The following ASAP1 variants were observed in gnomAD, a reference collection of about 807,000 sequenced individuals.
The protein encoded by ASAP1 is arf-GAP with SH3 domain, ANK repeat and PH domain-containing protein 1.
A neutral mutation model predicts 145.2 loss-of-function variants in ASAP1; 43 were observed. The observed-to-expected ratio is 0.30, with a 90% CI of 0.23 to 0.38. The LOEUF (loss-of-function observed/expected upper bound fraction) is 0.38, where lower values mean the gene tolerates loss of function less well. Among genes scored for constraint, ASAP1 ranks in the 10% least tolerant of loss-of-function variants. The pLI is 1.00. For synonymous variants in ASAP1, 546 were observed against 515.5 expected (o/e 1.06, Z -0.80); for missense variants, 1,018 against 1,355.3 (o/e 0.75, Z 3.91).
intron 5 of ASAP1, among the ~76,000 whole-genome samples, chr8:130,190,391 C>T (rs1184742138): frequency 1.3e-5 from 2 of 152,140 alleles, no homozygotes; most frequent in African/African-American, 4.8e-5. Flanking sequence ...TTTCCCAGCA[C>T]CATTTATTGA....
At chr8:130,351,195 CA>C (rs1221729340) in intron 3 of ASAP1, among the ~76,000 whole-genome samples, 1 of 152,106 alleles carries the variant, frequency 6.6e-6, no homozygotes, top group Non-Finnish European at 1.5e-5. Flanking sequence ...TCCTGCAAGA[CA>C]AAACAAACTG....
chr8:130,439,049 G>A (rs1031425311), intron 1 of ASAP1, among the ~76,000 whole-genome samples: 2 of 152,220 alleles, frequency 1.3e-5, no homozygotes, highest in African/African-American at 4.8e-5. Context: ...AATAGGGAGA[G>A]TAGCCTAGAT....
chr8:130,271,943 G>A (rs947179266), intron 3 of ASAP1, among the ~76,000 whole-genome samples: 1 of 151,954 alleles, frequency 6.6e-6, no homozygotes, highest in Admixed American at 6.6e-5. Flanking sequence ...TGGAAGGGGA[G>A]GAAGCAAGAC....
chr8:130,198,440 C>T (rs1448708632), intron 5 of ASAP1, among the ~76,000 whole-genome samples: 1 of 152,100 alleles, frequency 6.6e-6, no homozygotes, highest in East Asian at 1.9e-4. Flanking sequence ...CCAAAATTTC[C>T]TTTTTATTGC....
intron 2 of ASAP1, among the ~76,000 whole-genome samples, chr8:130,376,752 A>C (rs1022158033): frequency 1.3e-5 from 2 of 151,616 alleles, no homozygotes; most frequent in African/African-American, 4.9e-5. Flanking sequence ...AAATAAAATA[A>C]ATTAGCTGGG....
intron 29 of ASAP1, among the ~76,000 whole-genome samples, chr8:130,055,521 G>GT (rs1309729940): frequency 7.1e-6 from 1 of 141,758 alleles, no homozygotes; most frequent in Non-Finnish European, 1.5e-5. Flanking sequence ...TGAGTAAAGT[G>GT]TTGTTCTAGC....
At position 130,127,929 on chromosome 8, in the gene ASAP1, G is replaced by A; in HGVS notation, c.1379C>T (p.Ser460Leu). ...CGTTCAAATATGGGGACAAAAACCT[G>A]ATGAGCCACAATCGCAGCAAATGTC... ...GNDICCDCGSSEPTWLSTNLG... is the reference protein window; with the variant it reads ...GNDICCDCGSLEPTWLSTNLG... Residue 460 changes from serine to leucine, a missense_variant and splice_region_variant, in exon 16 of 30, where the codon TCA (serine) becomes TTA (leucine). Ser to Leu is a moderately radical substitution (Grantham distance 145, BLOSUM62 -2). Around this residue, in one of 9 missense-constraint regions of ASAP1, gnomAD observed 153 missense variants for 221.6 expected, o/e 0.69. Transcript: ENST00000518721. 1 of 1,611,604 alleles carries A rather than the reference G, an allele frequency of 6.2e-7. No individual in the cohort carries two copies. The highest frequency in any genetic ancestry group is 8.5e-7 in the Non-Finnish European group (1 of 1,179,286).
At chr8:130,234,435 A>G (rs574462823) in intron 4 of ASAP1, among the ~76,000 whole-genome samples, 32 of 152,250 alleles carry the variant, frequency 2.1e-4, no homozygotes, top group African/African-American at 7.7e-4. Context: ...CCCCATCCAC[A>G]AAGAGGGTGC....
At position 130,358,507 on chromosome 8, in the gene ASAP1, CGCTGGGGCGTGCGCGGGCTGGGCG is replaced by C. The variant is rs925609452; in HGVS notation, c.60-388_60-365del. Among the ~76,000 whole-genome samples, 6 of 147,816 alleles carry C rather than the reference CGCTGGGGCGTGCGCGGGCTGGGCG, an allele frequency of 4.1e-5. No individual in the cohort carries two copies. Among genetic ancestry groups the C allele is most frequent in the Non-Finnish European group, 9.0e-5 (6 of 66,300 alleles). ...CGCGGGGGTCTGGGCTCCGGCCGGC[CGCTGGGGCGTGCGCGGGCTGGGCG>C]GCTGGGGCGCCCGGCGCTGCCTCCT... On this transcript the variant is annotated intron_variant, in intron 2 of 29. Transcript: ENST00000518721. This position sits in a 1 kb window ranked among gnomAD's most constrained non-coding sequence, Gnocchi z 4.1.
Position 130,232,580 on chromosome 8 carries a change from G to T in ASAP1, c.259+4342C>A, listed in dbSNP as rs190805432. On this transcript the variant is annotated intron_variant, in intron 4 of 29. Coordinates refer to ENST00000518721, the MANE Select transcript of ASAP1 (RefSeq NM_018482.4). Reference sequence around the variant, plus strand: ...AGGAAAAGTGAGACACAAATTCCTAGAACAATCTTGAAACCAAAGGGCTTG... The same window carrying T: ...AGGAAAAGTGAGACACAAATTCCTATAACAATCTTGAAACCAAAGGGCTTG... Among the ~76,000 whole-genome samples the T allele has an allele frequency of 3.3e-5, 5 of 149,826 alleles. No individual in the cohort carries two copies. In the South Asian group the frequency reaches 1.1e-3, roughly 32 times the overall value.
At chr8:130,072,831 G>GCGCGCGCGCGCGCGCGCGCGC (rs58907739) in intron 27 of ASAP1, among the ~76,000 whole-genome samples, 7 of 110,776 alleles carry the variant, frequency 6.3e-5, no homozygotes, top group East Asian at 2.2e-4. Context: ...GTGTGCGCGC[G>GCGCGCGCGCGCGCGCGCGCGC]GGGGGGGGCA....
intron 3 of ASAP1, among the ~76,000 whole-genome samples, chr8:130,333,647 T>C (rs1008782225): frequency 6.6e-6 from 1 of 152,134 alleles, no homozygotes; most frequent in Admixed American, 6.5e-5. Context: ...GGCATGGCTG[T>C]AACAATTTTT....
At position 130,167,071 on chromosome 8, in the gene ASAP1, A is replaced by G. The variant is rs1031192983; in HGVS notation, c.909+465T>C. 2.6e-5 allele frequency among the ~76,000 whole-genome samples: 4 copies of G among 152,260 alleles called. No individual in the cohort carries two copies. In the South Asian group the frequency reaches 6.2e-4, roughly 24 times the overall value. ...GTAATCCCAGAATTTTGGGAGGCCG[A>G]GGTGGGAGAATTGCTTGAGTCCAGC... On this transcript the variant is annotated intron_variant, in intron 11 of 29. Transcript: ENST00000518721.
At chr8:130,327,168 T>A (rs572979533) in intron 3 of ASAP1, among the ~76,000 whole-genome samples, 1 of 152,244 alleles carries the variant, frequency 6.6e-6, no homozygotes, top group South Asian at 2.1e-4. Context: ...CTCCCTGCAC[T>A]CCAGTTCCTC....
intron 23 of ASAP1, among the ~76,000 whole-genome samples, chr8:130,114,083 T>C (rs1424897455): frequency 6.6e-6 from 1 of 152,214 alleles, no homozygotes; most frequent in East Asian, 1.9e-4. Context: ...CACTCAGTTA[T>C]GGACTTTCAA....
intron 2 of ASAP1, among the ~76,000 whole-genome samples, chr8:130,379,055 GGAA>G (rs751495431): frequency 9.9e-5 from 15 of 152,250 alleles, no homozygotes; most frequent in African/African-American, 3.6e-4. Flanking sequence ...GATGTCTGGG[GGAA>G]GAAGAAGGAC....
chr8:130,075,634 T>C (rs546404406), intron 27 of ASAP1, among the ~76,000 whole-genome samples: 95 of 152,200 alleles, frequency 6.2e-4, no homozygotes, highest in Admixed American at 1.5e-3. Context: ...GCTTTAAAGG[T>C]AAGGTATGGT....
intron 3 of ASAP1, among the ~76,000 whole-genome samples, chr8:130,323,016 C>T (rs945138085): frequency 6.6e-6 from 1 of 152,176 alleles, no homozygotes; most frequent in African/African-American, 2.4e-5. Context: ...AGAAAAAGAT[C>T]AGAATAGGCA....
At chr8:130,129,921 G>C (rs1002476141) in intron 15 of ASAP1, among the ~76,000 whole-genome samples, 2 of 152,182 alleles carry the variant, frequency 1.3e-5, no homozygotes, top group African/African-American at 4.8e-5. Flanking sequence ...ATATCAGTCT[G>C]AAGTTAGAAA....
Sources: gnomAD v4.1 joint callset for allele counts (sites outside exome capture counted in the v4.1 genomes callset) on GRCh38, gnomAD v4.1.1 for gene constraint, gnomAD v4.1.1 regional missense constraint, Gnocchi (gnomAD v3.1) non-coding constraint, MANE v1.5 for transcripts, NCBI Gene and HGNC (gene_info 2026-07-23, HGNC 2026-07-21) for gene names.